Variants in SPATA6L observed in about 807,000 individuals in gnomAD.
SPATA6L encodes spermatogenesis associated 6 like, also known as spermatogenesis associated 6-like protein.
In SPATA6L, 68 loss-of-function variants were observed where a neutral mutation model predicts 49.2. The ratio of observed to expected loss-of-function variants is 1.38; its 90% confidence interval spans 1.14 to 1.69. SPATA6L has a LOEUF of 1.69. SPATA6L is among the 40% of genes most tolerant of loss of function. The pLI is 0.00. For synonymous variants in SPATA6L, 198 were observed against 165.7 expected (o/e 1.19, Z -1.50); for missense variants, 668 against 464.3 (o/e 1.44, Z -4.03).
At chr9:4,620,256 T>C (rs1828973855) in intron 7 of SPATA6L, among the ~76,000 whole-genome samples, 1 of 152,022 alleles carries the variant, frequency 6.6e-6, no homozygotes. Flanking sequence ...TGTGGTCTCA[T>C]AACCTCCTTC....
At position 4,636,803 on chromosome 9, in the gene SPATA6L, T is replaced by C. The variant is rs200480149; in HGVS notation, c.227-1404A>G. 7.9e-5 allele frequency among the ~76,000 whole-genome samples: 12 copies of C among 152,310 alleles called. 1 individual carries two copies. The East Asian group carries it at 2.3e-3, about 29-fold the overall frequency. On this transcript the variant is annotated intron_variant, in intron 3 of 11. Transcript: ENST00000682582. ...GTGCAAAAAGAAATTATTCTATATT[T>C]TTCATCATAAATAGCATTTCTTCCC...
chr9:4,609,436 G>C (rs1417729516), intron 9 of SPATA6L, among the ~76,000 whole-genome samples: 4 of 152,174 alleles, frequency 2.6e-5, no homozygotes, highest in Admixed American at 2.0e-4. Context: ...ACATCAAAAA[G>C]CTTAACCACC....
chr9:4,636,551 C>T (rs367691559), intron 3 of SPATA6L, among the ~76,000 whole-genome samples: 5 of 152,094 alleles, frequency 3.3e-5, no homozygotes, highest in Non-Finnish European at 5.9e-5. Context: ...GAGTGGTCCC[C>T]GCACAGAGGA....
At chr9:4,616,854 G>C (rs1002935557) in intron 9 of SPATA6L, among the ~76,000 whole-genome samples, 2 of 152,060 alleles carry the variant, frequency 1.3e-5, no homozygotes, top group African/African-American at 4.8e-5. Context: ...CAAACTGCTG[G>C]GATTATAGGC....
At chr9:4,657,984 G>A (rs1838698721) in intron 2 of SPATA6L, among the ~76,000 whole-genome samples, 1 of 152,090 alleles carries the variant, frequency 6.6e-6, no homozygotes, top group Non-Finnish European at 1.5e-5. Context: ...CACACACAGA[G>A]TGAATGCCGT....
chr9:4,625,870 A>T (rs749800096), intron 5 of SPATA6L: 8 of 195,968 alleles, frequency 4.1e-5, no homozygotes, highest in Admixed American at 1.2e-4. Flanking sequence ...AGAGAATTTG[A>T]CACATAGAGG....
At chr9:4,594,631 C>T (rs897968232), downstream of SPATA6L, among the ~76,000 whole-genome samples, 6 of 152,172 alleles carry the variant, frequency 3.9e-5, no homozygotes, top group African/African-American at 1.4e-4. Context: ...GAGGTTGGTG[C>T]ATTTATTTGA....
In SPATA6L at chr9:4,662,164, CT is replaced by C; in HGVS notation, c.40-129del. ...TTTCCCCATCACCTCACTCCCTCAC[CT>C]GTACCTCCCAACGCCAACATCCTCC... On this transcript the variant is annotated intron_variant, in intron 1 of 11. Transcript: ENST00000682582. This position sits in a 1 kb window ranked among gnomAD's most constrained non-coding sequence, Gnocchi z 4.9. The C allele has an allele frequency of 6.8e-7, 1 of 1,460,004 alleles. No homozygotes were observed. Among genetic ancestry groups the C allele is most frequent in the East Asian group, 2.5e-5 (1 of 40,208 alleles). The allele number at this position is 1,460,004 out of a possible 1,614,324, so 90.4% of individuals were successfully genotyped here.
At chr9:4,646,537 G>GA (rs1342929653) in intron 3 of SPATA6L, 1 of 1,485,178 alleles carries the variant, frequency 6.7e-7, no homozygotes. Context: ...GCCTAAAAAG[G>GA]AAAAAATGAG....
chr9:4,603,405 G>C (rs768963228), intron 11 of SPATA6L, among the ~76,000 whole-genome samples: 1 of 152,164 alleles, frequency 6.6e-6, no homozygotes, highest in African/African-American at 2.4e-5. Context: ...ACTCTAGCCT[G>C]GGTGACAGAG....
At chr9:4,613,007 C>A (rs1253461919) in intron 9 of SPATA6L, among the ~76,000 whole-genome samples, 1 of 152,088 alleles carries the variant, frequency 6.6e-6, no homozygotes, top group African/African-American at 2.4e-5. Context: ...GCGGGCGGAT[C>A]TCTTGAGGCC....
chr9:4,605,120 C>A (rs1824415300), intron 10 of SPATA6L, among the ~76,000 whole-genome samples: 1 of 152,104 alleles, frequency 6.6e-6, no homozygotes, highest in African/African-American at 2.4e-5. Flanking sequence ...TCCGTTGGAT[C>A]CAAGCCCCAC....
chr9:4,659,647 A>G (rs1304297938), intron 2 of SPATA6L, among the ~76,000 whole-genome samples: 2 of 152,202 alleles, frequency 1.3e-5, no homozygotes, highest in East Asian at 3.8e-4. Context: ...CAAGCTACCA[A>G]TGACTTTCTT....
At chr9:4,659,714 T>A (rs1043094497) in intron 2 of SPATA6L, among the ~76,000 whole-genome samples, 1 of 152,178 alleles carries the variant, frequency 6.6e-6, no homozygotes, top group African/African-American at 2.4e-5. Flanking sequence ...AGAGCCCGCA[T>A]TGCCAAGACA....
chr9:4,623,776 T>G (rs569013109), intron 6 of SPATA6L, among the ~76,000 whole-genome samples: 2 of 152,238 alleles, frequency 1.3e-5, no homozygotes. Flanking sequence ...CATAATGGCA[T>G]GCACTAAAGT....
intron 1 of SPATA6L, among the ~76,000 whole-genome samples, chr9:4,665,818 TAATC>T (rs1216683169): frequency 1.3e-5 from 2 of 152,194 alleles, no homozygotes; most frequent in African/African-American, 4.8e-5. Flanking sequence ...AGTTGGCAAA[TAATC>T]AGGAAGTGAT....
chr9:4,591,537 C>T (rs560362974), intron 13 of SPATA6L, among the ~76,000 whole-genome samples: 4 of 152,326 alleles, frequency 2.6e-5, no homozygotes, highest in Admixed American at 2.0e-4. Flanking sequence ...CTGGCTGATC[C>T]ATCCTCAACA....
downstream of SPATA6L, among the ~76,000 whole-genome samples, chr9:4,595,564 G>C (rs1022170906): frequency 2.6e-5 from 4 of 152,106 alleles, no homozygotes; most frequent in South Asian, 8.3e-4. Context: ...ATACCCCAAA[G>C]GACATTTCCT....
intron 3 of SPATA6L, among the ~76,000 whole-genome samples, chr9:4,647,389 C>T (rs920200464): frequency 2.0e-4 from 30 of 151,998 alleles, no homozygotes; most frequent in African/African-American, 6.5e-4. Context: ...GTCAGGAGTT[C>T]GAGACCAGCC....
Sources: gnomAD v4.1 joint callset for allele counts (sites outside exome capture counted in the v4.1 genomes callset) on GRCh38, gnomAD v4.1.1 for gene constraint, Gnocchi (gnomAD v3.1) non-coding constraint, MANE v1.5 for transcripts, NCBI Gene and HGNC (gene_info 2026-07-23, HGNC 2026-07-21) for gene names.